PIP5K1C: variants seen among roughly 807,000 people sequenced by gnomAD.
PIP5K1C encodes phosphatidylinositol-4-phosphate 5-kinase type 1 gamma, also known as phosphatidylinositol 4-phosphate 5-kinase type-1 gamma.
PIP5K1C carries 45 observed loss-of-function variants against 80.1 expected under a neutral mutation model. That is an observed-to-expected ratio of 0.56 (90% CI 0.44 to 0.72). The LOEUF is 0.72. Ranked by LOEUF, PIP5K1C falls within the 30% of genes least tolerant of loss-of-function variation. PIP5K1C has a pLI of 0.00. For synonymous variants in PIP5K1C, 498 were observed against 420.1 expected (o/e 1.19, Z -2.27); for missense variants, 753 against 954.6 (o/e 0.79, Z 2.78).
intron 1 of PIP5K1C, among the ~76,000 whole-genome samples, chr19:3,680,762 C>A (rs1413820787): frequency 6.6e-6 from 1 of 152,204 alleles, no homozygotes; most frequent in Non-Finnish European, 1.5e-5. Flanking sequence ...CAGAGGAGAT[C>A]AGGCGGAGGC....
In PIP5K1C at chr19:3,641,746, C is replaced by T. The variant is rs73920193; in HGVS notation, c.1746G>A (p.Ala582=). 5,912 of 1,611,408 alleles carry T rather than the reference C, an allele frequency of 3.7e-3. 26 individuals are homozygous for T. Among genetic ancestry groups the T allele is most frequent in the Middle Eastern group, 0.019 (115 of 6,026 alleles). Reference sequence around the variant, plus strand: ...TGGGGACCACAATCTCCACGCTGCACGCAGGCTCCACCTGCACTGTAATCT... The same window carrying T: ...TGGGGACCACAATCTCCACGCTGCATGCAGGCTCCACCTGCACTGTAATCT... The part of the protein sequence containing the change: ...LQQITVQVEP[A]CSVEIVVPKE... The change falls in exon 15 of 18, where the codon GCG becomes GCA. Residue 582 remains alanine (A), a synonymous_variant. Coordinates refer to ENST00000335312, the MANE Select transcript of PIP5K1C (RefSeq NM_012398.3).
chr19:3,632,005 C>G lies in PIP5K1C; in HGVS notation c.*1162G>C, dbSNP rs952638724. 2.6e-5 allele frequency: 4 copies of G among 152,286 alleles called. No individual in the cohort carries two copies. Among genetic ancestry groups the G allele is most frequent in the African/African-American group, 7.2e-5 (3 of 41,462 alleles). 9.4% of individuals were successfully genotyped at this position (152,286 alleles called of 1,614,324 possible). Reference sequence around the variant, plus strand: ...GACTCTGCCGAGCTCTGGCCTCCAACCAGCACCCTCTGAGCGCAGCGGGCC... The same window carrying G: ...GACTCTGCCGAGCTCTGGCCTCCAAGCAGCACCCTCTGAGCGCAGCGGGCC... On this transcript the variant is annotated 3_prime_UTR_variant, in exon 18 of 18. Coordinates refer to ENST00000335312, the MANE Select transcript of PIP5K1C (RefSeq NM_012398.3).
intron 1 of PIP5K1C, among the ~76,000 whole-genome samples, chr19:3,684,123 T>C (rs915491659): frequency 6.6e-6 from 1 of 152,138 alleles, no homozygotes; most frequent in Admixed American, 6.5e-5. Context: ...GGCCTCTGTG[T>C]CACCCACTGG....
Position 3,638,462 on chromosome 19 carries a change from C to G in PIP5K1C, c.1920+422G>C, listed in dbSNP as rs551940472. Among the ~76,000 whole-genome samples the G allele has an allele frequency of 2.0e-5, 3 of 152,386 alleles. No homozygotes were observed. In the East Asian group the frequency reaches 5.8e-4, roughly 29 times the overall value. ...GGGAGAAGGTCCTGCCGCCACAGCC[C>G]TGTCTGGACGTCTAGGCTGTCAAGG... On this transcript the variant is annotated intron_variant, in intron 16 of 17. Transcript: ENST00000335312.
In PIP5K1C at chr19:3,683,027, G is replaced by T. The variant is rs113643974; in HGVS notation, c.95-15674C>A. Among the ~76,000 whole-genome samples, 1,124 of 140,396 alleles carry T rather than the reference G, an allele frequency of 8.0e-3. 14 individuals are homozygous for T. Among genetic ancestry groups the T allele is most frequent in the African/African-American group, 0.025 (982 of 38,676 alleles). The allele number at this position is 140,396 out of a possible 152,430, so 92.1% of individuals were successfully genotyped here. A position where few individuals can be genotyped will look rare whatever the true frequency, so the allele number is the denominator to read the frequency against. The stretch of plus-strand genomic sequence containing the variant: ...GGCTTGGTCCTGCCCTAGGGCCTCC[G>T]CACAGGCTGCGCCTCTGCCTGGAAC... On this transcript the variant is annotated intron_variant, in intron 1 of 17. Coordinates refer to ENST00000335312, the MANE Select transcript of PIP5K1C (RefSeq NM_012398.3).
chr19:3,690,125 T>C (rs887324651), intron 1 of PIP5K1C, among the ~76,000 whole-genome samples: 2 of 151,470 alleles, frequency 1.3e-5, no homozygotes, highest in African/African-American at 2.4e-5. Context: ...TTTTTAACTG[T>C]GAACATGTTA....
intron 1 of PIP5K1C, among the ~76,000 whole-genome samples, chr19:3,694,464 C>A (rs2036040708): frequency 6.6e-6 from 1 of 152,194 alleles, no homozygotes; most frequent in South Asian, 2.1e-4. Context: ...AGCTCCAGGG[C>A]CCAGGCCAAA....
chr19:3,660,053 GC>G (rs1466085696), intron 5 of PIP5K1C, among the ~76,000 whole-genome samples: 1 of 152,162 alleles, frequency 6.6e-6, no homozygotes, highest in Non-Finnish European at 1.5e-5. Context: ...TGGTGATGGC[GC>G]AGGTTGGATG....
chr19:3,645,230 A>G (rs1433122649), intron 11 of PIP5K1C, among the ~76,000 whole-genome samples: 2 of 151,752 alleles, frequency 1.3e-5, no homozygotes, highest in Non-Finnish European at 2.9e-5. Context: ...CCCACCAGAC[A>G]CTTCCCAAGC....
chr19:3,643,139 C>T (rs1370724887), intron 13 of PIP5K1C, 104 bp downstream of exon 13: 20 of 1,566,634 alleles, frequency 1.3e-5, no homozygotes, highest in East Asian at 2.3e-5. Context: ...ACATACGATG[C>T]TCCACCCACA....
chr19:3,662,386 C>G (rs1425930325), intron 3 of PIP5K1C, among the ~76,000 whole-genome samples: 1 of 152,186 alleles, frequency 6.6e-6, no homozygotes, highest in Non-Finnish European at 1.5e-5. Context: ...CAGCGAGATG[C>G]CCAGATCACT....
rs571585752 is a variant in PIP5K1C, at chr19:3,664,005, G to A, written c.219+817C>T. Among the ~76,000 whole-genome samples, 19 of 152,306 alleles carry A rather than the reference G, an allele frequency of 1.2e-4. No individual in the cohort carries two copies. In the East Asian group the frequency reaches 2.3e-3, roughly 19 times the overall value. On this transcript the variant is annotated intron_variant, in intron 3 of 17. Transcript: ENST00000335312. ...ACGCAGCAAAGGACAAGTGCAGCAC[G>A]GGCGCCCCACGCACCAGAACACGAC...
At chr19:3,635,014 G>A (rs2033622205) in intron 16 of PIP5K1C, among the ~76,000 whole-genome samples, 1 of 152,248 alleles carries the variant, frequency 6.6e-6, no homozygotes, top group Non-Finnish European at 1.5e-5. Context: ...CGTCCCTTGA[G>A]AGCCCGGCAT....
rs557370402 is a variant in PIP5K1C at position 3,660,248 on chromosome 19, C to T, written c.468+718G>A. 6.3e-3 allele frequency among the ~76,000 whole-genome samples: 952 copies of T among 152,196 alleles called. 2 individuals carry two copies. Among genetic ancestry groups the T allele is most frequent in the Middle Eastern group, 0.027 (8 of 294 alleles). On this transcript the variant is annotated intron_variant, in intron 5 of 17. Transcript: ENST00000335312. Reference sequence around the variant, plus strand: ...ACAAAAAATTAGCCGGGCGTGGTGGCAGGCACCTGTAGTCCCAGCTACTCG... The same window carrying T: ...ACAAAAAATTAGCCGGGCGTGGTGGTAGGCACCTGTAGTCCCAGCTACTCG...
At chr19:3,672,124 G>A (rs1050413930) in intron 1 of PIP5K1C, among the ~76,000 whole-genome samples, 1 of 152,182 alleles carries the variant, frequency 6.6e-6, no homozygotes, top group African/African-American at 2.4e-5. Flanking sequence ...GACCTCATCG[G>A]CCACCCCACC....
In PIP5K1C at chr19:3,661,035, G is replaced by C; in HGVS notation, c.399C>G (p.Phe133Leu). The C allele has an allele frequency of 6.2e-7, 1 of 1,614,144 alleles. No homozygotes were observed. The highest frequency in any genetic ancestry group is 8.5e-7 in the Non-Finnish European group (1 of 1,179,990). ...TPAHHFQDFR[F>L]KTYAPVAFRY... ...GGAAGGCGACAGGTGCATAGGTCTT[G>C]AAGCGGAAGTCCTGGAAGTGGTGGG... The change falls in exon 5 of 18, where the codon TTC becomes TTG. Residue 133 changes from phenylalanine (F) to leucine (L), a missense_variant. Coordinates refer to ENST00000335312, the MANE Select transcript of PIP5K1C (RefSeq NM_012398.3).
intron 1 of PIP5K1C, chr19:3,672,760 G>A (rs1454923686): frequency 6.6e-6 from 1 of 152,610 alleles, no homozygotes; most frequent in Non-Finnish European, 1.5e-5. Flanking sequence ...TGGGTGGAAG[G>A]TGCCTCAGCC....
chr19:3,699,709 G>GCC (rs1374068877), intron 1 of PIP5K1C, among the ~76,000 whole-genome samples: 5 of 152,134 alleles, frequency 3.3e-5, no homozygotes, highest in African/African-American at 1.2e-4. Flanking sequence ...AGACAGCCGT[G>GCC]CCCCCCGCCC....
intron 15 of PIP5K1C, among the ~76,000 whole-genome samples, chr19:3,639,661 G>A (rs577930509): frequency 1.3e-5 from 2 of 152,030 alleles, no homozygotes; most frequent in East Asian, 3.9e-4. Context: ...CCAACTCATG[G>A]GGTCAAGCGA....
Sources: gnomAD v4.1 joint callset for allele counts (sites outside exome capture counted in the v4.1 genomes callset) on GRCh38, gnomAD v4.1.1 for gene constraint, MANE v1.5 for transcripts, NCBI Gene and HGNC (gene_info 2026-07-23, HGNC 2026-07-21) for gene names.